Variants in ASH1L observed in about 807,000 individuals in gnomAD.
ASH1L encodes the protein histone-lysine N-methyltransferase ASH1L.
ASH1L carries 23 observed loss-of-function variants against 269.0 expected under a neutral mutation model. That is an observed-to-expected ratio of 0.09 (90% CI 0.06 to 0.12). The LOEUF (loss-of-function observed/expected upper bound fraction) is 0.12, where lower values mean the gene tolerates loss of function less well. ASH1L is among the 10% of genes least tolerant of loss of function. The pLI is 1.00. For missense variants in ASH1L, 2,912 were observed against 3,567.8 expected (o/e 0.82, Z 4.68); for synonymous variants, 1,187 against 1,253.5 (o/e 0.95, Z 1.12).
intron 2 of ASH1L, 135 bp downstream of exon 2, chr1:155,520,965 A>T (rs1197490233): frequency 2.2e-6 from 2 of 898,120 alleles, no homozygotes; most frequent in Non-Finnish European, 3.4e-6. Flanking sequence ...GGCTTATTTT[A>T]AGGCTCACAA....
intron 1 of ASH1L, among the ~76,000 whole-genome samples, chr1:155,561,800 TC>T (rs1263990960): frequency 6.6e-6 from 1 of 151,012 alleles, no homozygotes; most frequent in Admixed American, 6.6e-5. Context: ...CAAGATCGTG[TC>T]CTCGACCACT....
chr1:155,514,712 C>T (rs1668385400), intron 2 of ASH1L, among the ~76,000 whole-genome samples: 1 of 152,026 alleles, frequency 6.6e-6, no homozygotes, highest in Admixed American at 6.6e-5. Context: ...TACAGTACAG[C>T]GGTGGTTCAG....
intron 6 of ASH1L, among the ~76,000 whole-genome samples, chr1:155,409,659 TCTCA>T (rs1271347642): frequency 6.6e-6 from 1 of 152,184 alleles, no homozygotes; most frequent in African/African-American, 2.4e-5. Flanking sequence ...AGAGACTGGA[TCTCA>T]CTATGTTGCC....
At chr1:155,370,416 G>A (rs1354384955) in intron 12 of ASH1L, 88 bp downstream of exon 12, 3 of 1,554,060 alleles carry the variant, frequency 1.9e-6, no homozygotes, top group Admixed American at 3.4e-5. Context: ...CTTTGTGTAA[G>A]CTGACTGACA....
chr1:155,521,082 G>A lies in ASH1L; in HGVS notation c.420+18C>T. 6.4e-7 allele frequency: 1 copy of A among 1,570,246 alleles called. No individual in the cohort carries two copies. The highest frequency in any genetic ancestry group is 8.6e-7 in the Non-Finnish European group (1 of 1,161,758). On this transcript the variant is annotated intron_variant, in intron 2 of 27. Transcript: ENST00000392403. ...AAAATATTGTCAATAACCACATATT[G>A]TTAGGAATTCTACTTACTCGTTTTG...
chr1:155,434,829 C>A (rs187677605), intron 5 of ASH1L, among the ~76,000 whole-genome samples: 1 of 149,974 alleles, frequency 6.7e-6, no homozygotes, highest in Non-Finnish European at 1.5e-5. Flanking sequence ...CCAGCCTGGG[C>A]GACAGAGCGA....
chr1:155,410,188 A>T (rs1659654111), intron 6 of ASH1L, among the ~76,000 whole-genome samples: 1 of 152,068 alleles, frequency 6.6e-6, no homozygotes, highest in Admixed American at 6.6e-5. Context: ...ATGTAATGTC[A>T]TGAACACAAC....
intron 5 of ASH1L, among the ~76,000 whole-genome samples, chr1:155,431,631 C>T (rs1391388784): frequency 6.6e-6 from 1 of 152,038 alleles, no homozygotes; most frequent in Non-Finnish European, 1.5e-5. Flanking sequence ...CCTGGTGGCC[C>T]CCGCCTGCAG....
At chr1:155,489,834 A>ATAAATAAATAAC (rs1553267683) in intron 2 of ASH1L, among the ~76,000 whole-genome samples, 6 of 150,498 alleles carry the variant, frequency 4.0e-5, no homozygotes, top group South Asian at 2.1e-4. Context: ...AAATAAATAA[A>ATAAATAAATAAC]TAACAATATG....
chr1:155,358,502 G>A (rs1354032933), intron 13 of ASH1L, among the ~76,000 whole-genome samples: 3 of 151,798 alleles, frequency 2.0e-5, no homozygotes, highest in African/African-American at 7.3e-5. Flanking sequence ...TGGCTAACAT[G>A]GTAAAACCCA....
chr1:155,459,906 AAG>A lies in ASH1L; in HGVS notation c.4985-10_4985-9del. 6.4e-7 allele frequency: 1 copy of A among 1,564,074 alleles called. No homozygotes were observed. Among genetic ancestry groups the A allele is most frequent in the Middle Eastern group, 1.7e-4 (1 of 5,848 alleles). ...CAGAGGTTGGCTGGGAGCCTGGAGA[AAG>A]AGAAAAAGATAGAAATCATAGGAAA... On this transcript the variant is annotated splice_polypyrimidine_tract_variant and intron_variant, in intron 3 of 27. Coordinates refer to ENST00000392403, the MANE Select transcript of ASH1L (RefSeq NM_018489.3).
At chr1:155,486,861 A>G (rs1484419419) in intron 2 of ASH1L, among the ~76,000 whole-genome samples, 1 of 151,898 alleles carries the variant, frequency 6.6e-6, no homozygotes, top group Non-Finnish European at 1.5e-5. Flanking sequence ...AGTTTAAAAA[A>G]AAAAAAAGAA....
At chr1:155,340,880 C>T (rs989224180) in intron 25 of ASH1L, among the ~76,000 whole-genome samples, 2 of 151,492 alleles carry the variant, frequency 1.3e-5, no homozygotes, top group African/African-American at 4.9e-5. Flanking sequence ...AGTGATCCTC[C>T]TGTCTCAGCC....
intron 2 of ASH1L, among the ~76,000 whole-genome samples, chr1:155,512,280 G>T (rs889594524): frequency 6.6e-6 from 1 of 151,818 alleles, no homozygotes; most frequent in Non-Finnish European, 1.5e-5. Flanking sequence ...CACAGGGCGT[G>T]GTGGCATGCA....
At position 155,486,110 on chromosome 1, in the gene ASH1L, A is replaced by T. The variant is rs938694106; in HGVS notation, c.421-3661T>A. ...TCAGACATTTGAACTCAACCAAAAT[A>T]TTTAACTTCCTGACTCAACAGTTTC... On this transcript the variant is annotated intron_variant, in intron 2 of 27. Coordinates refer to ENST00000392403, the MANE Select transcript of ASH1L (RefSeq NM_018489.3). Among the ~76,000 whole-genome samples, 61 of 152,282 alleles carry T rather than the reference A, an allele frequency of 4.0e-4. 1 individual carries two copies. Among genetic ancestry groups the T allele is most frequent in the Admixed American group, 3.9e-3 (60 of 15,288 alleles).
chr1:155,418,819 C>T (rs1038694473), intron 5 of ASH1L, among the ~76,000 whole-genome samples: 5 of 152,156 alleles, frequency 3.3e-5, no homozygotes, highest in East Asian at 1.9e-4. Context: ...CCTGTAATCC[C>T]AGCACTTTGG....
intron 4 of ASH1L, among the ~76,000 whole-genome samples, chr1:155,442,061 T>C (rs1444447057): frequency 1.3e-5 from 2 of 152,184 alleles, no homozygotes; most frequent in Non-Finnish European, 2.9e-5. Context: ...GCCGCCTGCC[T>C]GACCAAACAA....
At position 155,336,915 on chromosome 1, in the gene ASH1L, G is replaced by A. The variant is rs1652365483; in HGVS notation, c.*745C>T. 1 of 152,316 alleles carries A rather than the reference G, an allele frequency of 6.6e-6. No homozygotes were observed. Among genetic ancestry groups the A allele is most frequent in the African/African-American group, 2.4e-5 (1 of 41,418 alleles). The allele number at this position is 152,316 out of a possible 1,614,324, so 9.4% of individuals were successfully genotyped here. On this transcript the variant is annotated 3_prime_UTR_variant, in exon 28 of 28. Transcript: ENST00000392403. ...TTAAAAACAGCATGTGTGCTGGCGG[G>A]GGCCTGGCTTTCTCATTAGAAAAAA...
intron 5 of ASH1L, among the ~76,000 whole-genome samples, chr1:155,417,273 T>C (rs968581476): frequency 2.6e-5 from 4 of 151,394 alleles, no homozygotes; most frequent in South Asian, 2.1e-4. Context: ...GGTGCAGAAG[T>C]AGAAACCAAG....
Sources: gnomAD v4.1 joint callset for allele counts (sites outside exome capture counted in the v4.1 genomes callset) on GRCh38, gnomAD v4.1.1 for gene constraint, MANE v1.5 for transcripts, NCBI Gene and HGNC (gene_info 2026-07-23, HGNC 2026-07-21) for gene names.